MOK: variants seen among roughly 807,000 people sequenced by gnomAD.
The protein encoded by MOK is MOK protein kinase, also known as MAPK/MAK/MRK overlapping kinase.
In MOK, 59 loss-of-function variants were observed where a neutral mutation model predicts 54.2. The observed-to-expected ratio is 1.09, with a 90% CI of 0.88 to 1.35. The LOEUF is 1.35. Ranked by LOEUF, MOK falls within the 40% of genes most tolerant of loss-of-function variation. The pLI is 0.00. For synonymous variants in MOK, 210 were observed against 202.7 expected, an observed-to-expected ratio of 1.04 and a Z score of -0.31; for missense variants, 517 against 526.2, an observed-to-expected ratio of 0.98 and a Z score of 0.17.
intron 7 of MOK, among the ~76,000 whole-genome samples, chr14:102,234,728 T>C (rs1290176465): frequency 1.3e-5 from 2 of 152,288 alleles, no homozygotes; most frequent in Admixed American, 1.3e-4. Context: ...TATCTTTTAC[T>C]GTAACACCAC....
downstream of MOK, among the ~76,000 whole-genome samples, chr14:102,228,228 G>A (rs2064329832): frequency 1.3e-5 from 2 of 152,200 alleles, no homozygotes; most frequent in Non-Finnish European, 2.9e-5. Context: ...AGAGACAGCT[G>A]AGCACCAGGA....
rs750096165 is a variant in MOK, at chr14:102,231,766, G to C, written c.922C>G (p.Pro308Ala). ...SHRKAGFPEH[P>A]VAPEPLSNSC... ...TTACTGAGTGGTTCCGGTGCCACAGGGTGCTCCGGAAAGCCAGCTTTTCTG... is the reference window on the plus strand; with the variant it reads ...TTACTGAGTGGTTCCGGTGCCACAGCGTGCTCCGGAAAGCCAGCTTTTCTG... Residue 308 changes from proline (P) to alanine (A), a missense_variant, in exon 10 of 12, where the codon CCT becomes GCT. Physicochemically the swap from Pro to Ala is conservative, Grantham distance 27. Coordinates refer to ENST00000361847, the MANE Select transcript of MOK (RefSeq NM_014226.3). This position sits in a 1 kb window ranked among gnomAD's most constrained non-coding sequence, Gnocchi z 4.4. 1 of 1,612,436 alleles carries C rather than the reference G, an allele frequency of 6.2e-7. No individual in the cohort carries two copies. Among genetic ancestry groups the C allele is most frequent in the South Asian group, 1.1e-5 (1 of 91,016 alleles).
chr14:102,237,108 C>G (rs1036314223), intron 7 of MOK, among the ~76,000 whole-genome samples: 7 of 152,220 alleles, frequency 4.6e-5, no homozygotes, highest in African/African-American at 1.7e-4. Flanking sequence ...TGACACCCTC[C>G]AGTCACAACA....
Position 102,305,097 on chromosome 14 carries a change from T to C in MOK, c.-129A>G. The C allele has an allele frequency of 8.9e-7, 1 of 1,124,660 alleles. No homozygotes were observed. The highest frequency in any genetic ancestry group is 1.5e-5 in the African/African-American group (1 of 65,224). 69.7% of individuals were successfully genotyped at this position (1,124,660 alleles called of 1,614,324 possible). On this transcript the variant is annotated 5_prime_UTR_variant, in exon 1 of 12. Transcript: ENST00000361847. ...GCACTAGGATCTCCGTGGTGGTCCCTCGAAGGAGAGCGTTAGAGATCCCGC... is the reference window on the plus strand; with the variant it reads ...GCACTAGGATCTCCGTGGTGGTCCCCCGAAGGAGAGCGTTAGAGATCCCGC...
intron 1 of MOK, among the ~76,000 whole-genome samples, chr14:102,290,143 GAA>G (rs376178602): frequency 7.0e-6 from 1 of 142,350 alleles, no homozygotes; most frequent in Admixed American, 7.0e-5. Flanking sequence ...TACACTTAGA[GAA>G]AAAAAAAAAA....
At chr14:102,222,349 C>T (rs2063992995), downstream of MOK, among the ~76,000 whole-genome samples, 1 of 152,244 alleles carries the variant, frequency 6.6e-6, no homozygotes, top group African/African-American at 2.4e-5. The surrounding 1 kb of genome is among the most constrained non-coding windows in gnomAD (Gnocchi z 4.4). Context: ...AAGCAAGAAC[C>T]CCCCAGCAGA....
downstream of MOK, chr14:102,225,033 G>A (rs951605737): frequency 3.1e-6 from 1 of 321,212 alleles, no homozygotes; most frequent in Non-Finnish European, 6.0e-6. Flanking sequence ...TATTTGGAAG[G>A]CAGAAGGAAC....
chr14:102,253,170 AT>A (rs1028561736), intron 4 of MOK, among the ~76,000 whole-genome samples: 3 of 152,198 alleles, frequency 2.0e-5, no homozygotes, highest in Non-Finnish European at 2.9e-5. Flanking sequence ...ATTGTTGATA[AT>A]TTTTTTCCTT....
rs145834415 is a variant in MOK, at chr14:102,251,965, A to T, written c.314T>A (p.Ile105Asn). 1.3e-6 allele frequency: 2 copies of T among 1,599,398 alleles called. No homozygotes were observed. The highest frequency in any genetic ancestry group is 2.2e-5 in the East Asian group (1 of 44,558). Residue 105 changes from isoleucine to asparagine, a missense_variant, in exon 5 of 12, where the codon ATT (isoleucine) becomes AAT (asparagine). Coordinates refer to ENST00000361847, the MANE Select transcript of MOK (RefSeq NM_014226.3). Reference protein sequence around the residue: ...GRRYPLSEKKIMHYMYQLCKS... With the variant: ...GRRYPLSEKKNMHYMYQLCKS... ...ACATAACTGGTACATATAGTGCATAATTTTTTTTTCTGATAATGGGTATCT... is the reference window on the plus strand; with the variant it reads ...ACATAACTGGTACATATAGTGCATATTTTTTTTTTCTGATAATGGGTATCT...
rs147801441 is a variant in MOK, at chr14:102,301,196, C to T, written c.7+3766G>A. 1.7e-3 allele frequency among the ~76,000 whole-genome samples: 254 copies of T among 152,272 alleles called. 1 individual carries two copies. Among genetic ancestry groups the T allele is most frequent in the African/African-American group, 5.3e-3 (221 of 41,542 alleles). ...GACCTGCCTAGTTGAATCCAGGCAA[C>T]CTGAAGAACCACAAGAAGGACTGTT... On this transcript the variant is annotated intron_variant, in intron 1 of 11. Transcript: ENST00000361847.
intron 2 of MOK, among the ~76,000 whole-genome samples, chr14:102,276,690 C>T (rs2068894842): frequency 6.6e-6 from 1 of 151,000 alleles, no homozygotes; most frequent in South Asian, 2.1e-4. Flanking sequence ...ACTCTGGAGG[C>T]TGAGGCAGGA....
At chr14:102,296,203 G>A (rs1040554480) in intron 1 of MOK, among the ~76,000 whole-genome samples, 3 of 142,250 alleles carry the variant, frequency 2.1e-5, no homozygotes, top group African/African-American at 2.7e-5. Flanking sequence ...CCAAAATCAC[G>A]CCACTGCACT....
chr14:102,286,288 G>A (rs1299136236), intron 1 of MOK, among the ~76,000 whole-genome samples: 3 of 105,138 alleles, frequency 2.9e-5, no homozygotes, highest in African/African-American at 1.1e-4. Flanking sequence ...GACAGAGCGA[G>A]ACTCCGTCTC....
At chr14:102,223,560 A>T (rs1364664401), downstream of MOK, 1 of 152,620 alleles carries the variant, frequency 6.6e-6, no homozygotes, top group East Asian at 1.9e-4. Flanking sequence ...TATTATATGT[A>T]TAAATATTGT....
At chr14:102,270,356 C>T (rs570697039) in intron 2 of MOK, among the ~76,000 whole-genome samples, 1 of 152,344 alleles carries the variant, frequency 6.6e-6, no homozygotes, top group South Asian at 2.1e-4. Flanking sequence ...AATCCCAGCA[C>T]TTTGGGAGGC....
At chr14:102,294,252 C>T (rs963564807) in intron 1 of MOK, among the ~76,000 whole-genome samples, 26 of 152,048 alleles carry the variant, frequency 1.7e-4, no homozygotes, top group Non-Finnish European at 3.4e-4. Flanking sequence ...CAACACCATC[C>T]TGGCTAACAT....
At chr14:102,226,216 GCTCCC>G (rs1407209945), downstream of MOK, 2 of 629,076 alleles carry the variant, frequency 3.2e-6, no homozygotes, top group African/African-American at 3.6e-5. This position sits in a 1 kb window ranked among gnomAD's most constrained non-coding sequence, Gnocchi z 4.8. Flanking sequence ...GTGTGACTGG[GCTCCC>G]CTGTGCTTCT....
chr14:102,246,271 G>A (rs1242299394), intron 7 of MOK: 2 of 151,828 alleles, frequency 1.3e-5, no homozygotes, highest in Non-Finnish European at 2.9e-5. Flanking sequence ...ATATTTCCTG[G>A]TTCCACCCAC....
intron 4 of MOK, among the ~76,000 whole-genome samples, chr14:102,258,927 G>A (rs1229409135): frequency 5.3e-5 from 8 of 152,208 alleles, no homozygotes; most frequent in South Asian, 4.1e-4. Context: ...TTAGCCGGAC[G>A]TGGTGGTGGG....
Sources: gnomAD v4.1 joint callset for allele counts (sites outside exome capture counted in the v4.1 genomes callset) on GRCh38, gnomAD v4.1.1 for gene constraint, Gnocchi (gnomAD v3.1) non-coding constraint, MANE v1.5 for transcripts, NCBI Gene and HGNC (gene_info 2026-07-23, HGNC 2026-07-21) for gene names.